The following COL11A2 variants were observed in gnomAD, a reference collection of about 807,000 sequenced individuals.
The protein encoded by COL11A2 is collagen type XI alpha 2 chain.
A neutral mutation model predicts 273.4 loss-of-function variants in COL11A2; 116 were observed. The ratio of observed to expected loss-of-function variants is 0.42; its 90% CI spans 0.36 to 0.49. The LOEUF is 0.49. Among genes scored for constraint, COL11A2 ranks in the 20% least tolerant of loss-of-function variants. The probability of loss-of-function intolerance (pLI) is 0.00; values close to 1 mark genes in which losing one functional copy is unlikely to be tolerated. For synonymous variants in COL11A2, 782 were observed against 864.2 expected (o/e 0.90, Z 1.67); for missense variants, 1,866 against 2,309.0 (o/e 0.81, Z 3.93).
In COL11A2 at chr6:33,164,753, G is replaced by T. The variant is rs1374107433; in HGVS notation, c.4863+99C>A. The T allele has an allele frequency of 9.5e-7, 1 of 1,054,132 alleles. No individual in the cohort carries two copies. The highest frequency in any genetic ancestry group is 1.4e-6 in the Non-Finnish European group (1 of 704,610). 65.3% of individuals were successfully genotyped at this position (1,054,132 alleles called of 1,614,324 possible). On this transcript the variant is annotated intron_variant, in intron 64 of 65. Transcript: ENST00000341947. This position sits in a 1 kb window ranked among gnomAD's most constrained non-coding sequence, Gnocchi z 4.7. ...AGAAGGGGTGGCAGGCTCCGGGGGGGGCAACAGCCAGGGGACTGTCACCAA... is the reference window on the plus strand; with the variant it reads ...AGAAGGGGTGGCAGGCTCCGGGGGGTGCAACAGCCAGGGGACTGTCACCAA...
In COL11A2 at chr6:33,167,821, C is replaced by A. The variant is rs146082418; in HGVS notation, c.3992G>T (p.Arg1331Leu). 6.2e-7 allele frequency: 1 copy of A among 1,612,806 alleles called. No individual in the cohort carries two copies. Among genetic ancestry groups the A allele is most frequent in the South Asian group, 1.1e-5 (1 of 91,044 alleles). ...CACCTTGGCTCCCTTCCCTCCTTGT[C>A]GCCCCTCGGAACCAGGCGAGCCAGC... The part of the protein sequence containing the change: ...GPAGSPGSEG[R>L]QGGKGAKGDP... The change falls in exon 55 of 66, where the codon CGA becomes CTA. Residue 1331 changes from arginine to leucine, a missense_variant. Arg to Leu is a moderately radical substitution (Grantham distance 102). Coordinates refer to ENST00000341947, the MANE Select transcript of COL11A2 (RefSeq NM_080680.3). This position sits in a 1 kb window ranked among gnomAD's most constrained non-coding sequence, Gnocchi z 6.1.
intron 5 of COL11A2, among the ~76,000 whole-genome samples, chr6:33,186,029 A>ACCC: frequency 6.6e-6 from 1 of 151,906 alleles, no homozygotes; most frequent in Admixed American, 6.5e-5. Context: ...TGACCCTCTG[A>ACCC]TCTTTAGACC....
rs1229474398 is a variant in COL11A2, at chr6:33,176,106, C to G, written c.2215-37G>C. On this transcript the variant is annotated intron_variant, in intron 28 of 65. Transcript: ENST00000341947. This position sits in a 1 kb window ranked among gnomAD's most constrained non-coding sequence, Gnocchi z 4.9. ...AGAGGTGAGAGGGCACCACAGATGA[C>G]AGAGGGCTGGGGTTCTAATGGGAAT... 6.2e-7 allele frequency: 1 copy of G among 1,612,718 alleles called. No individual in the cohort carries two copies. The highest frequency in any genetic ancestry group is 8.5e-7 in the Non-Finnish European group (1 of 1,179,754).
Position 33,173,036 on chromosome 6 carries a change from A to G in COL11A2, c.2790+24T>C. On this transcript the variant is annotated intron_variant, in intron 38 of 65. Coordinates refer to ENST00000341947, the MANE Select transcript of COL11A2 (RefSeq NM_080680.3). The surrounding 1 kb of genome is among the most constrained non-coding windows in gnomAD (Gnocchi z 6.3). Reference sequence around the variant, plus strand: ...AGACTAATGCTAGGGTCAGGGGTCCATTCTCTCCTAGGGACAAACCTACCT... The same window carrying G: ...AGACTAATGCTAGGGTCAGGGGTCCGTTCTCTCCTAGGGACAAACCTACCT... 6.2e-7 allele frequency: 1 copy of G among 1,611,164 alleles called. No individual in the cohort carries two copies. Among genetic ancestry groups the G allele is most frequent in the Non-Finnish European group, 8.5e-7 (1 of 1,178,762 alleles).
chr6:33,163,052 C>CATTAAAAA lies in COL11A2; in HGVS notation c.*625_*626insTTTTTAAT. ...GACAGTGGGCACATGGGCCAGGCAG[C>CATTAAAAA]CAACACCTGTGGGTTAGAGAGCCCC... is the stretch of plus-strand genomic sequence containing the variant. On this transcript the variant is annotated 3_prime_UTR_variant, in exon 66 of 66. Coordinates refer to ENST00000341947, the MANE Select transcript of COL11A2 (RefSeq NM_080680.3). This position sits in a 1 kb window ranked among gnomAD's most constrained non-coding sequence, Gnocchi z 4.1. The CATTAAAAA allele has an allele frequency of 6.3e-6, 1 of 158,602 alleles. No homozygotes were observed. The allele number at this position is 158,602 out of a possible 1,614,324, so 9.8% of individuals were successfully genotyped here.
chr6:33,165,594 G>C lies in COL11A2; in HGVS notation c.4705C>G (p.Arg1569Gly). Residue 1569 changes from arginine (R) to glycine (G), a missense_variant, in exon 63 of 66, where the codon CGC becomes GGC. Transcript: ENST00000341947. This position sits in a 1 kb window ranked among gnomAD's most constrained non-coding sequence, Gnocchi z 7.7. Reference sequence around the variant, plus strand: ...CACAGCTTCAGGTCCTGGCAGGTGCGAGCAGGGCTGTCCTGGGTCCCTGTT... The same window carrying C: ...CACAGCTTCAGGTCCTGGCAGGTGCCAGCAGGGCTGTCCTGGGTCCCTGTT... ...RPTGTQDSPA[R>G]TCQDLKLCHP... 2 of 1,613,442 alleles carry C rather than the reference G, an allele frequency of 1.2e-6. No individual in the cohort carries two copies. Among genetic ancestry groups the C allele is most frequent in the South Asian group, 1.1e-5 (1 of 91,074 alleles).
In COL11A2 at chr6:33,163,654, G is replaced by A; in HGVS notation, c.*24C>T. ...ATTCCAGGTGGGCCTGGTTCCGAATGGACAGGATCAGACAGAGACGGTCCT... is the reference window on the plus strand; with the variant it reads ...ATTCCAGGTGGGCCTGGTTCCGAATAGACAGGATCAGACAGAGACGGTCCT... On this transcript the variant is annotated 3_prime_UTR_variant, in exon 66 of 66. Transcript: ENST00000341947. The surrounding 1 kb of genome is among the most constrained non-coding windows in gnomAD (Gnocchi z 4.1). The A allele has an allele frequency of 1.9e-6, 3 of 1,613,008 alleles. No individual in the cohort carries two copies. Among genetic ancestry groups the A allele is most frequent in the Non-Finnish European group, 2.5e-6 (3 of 1,179,992 alleles).
rs1358724668 is a variant in COL11A2 at position 33,190,210 on chromosome 6, T to C, written c.83-741A>G. ...GATGAGTTGGGGAGGGGTGGAGGAATGGGGGGCAGGGGCTGAAGCTGCCAC... is the reference window on the plus strand; with the variant it reads ...GATGAGTTGGGGAGGGGTGGAGGAACGGGGGGCAGGGGCTGAAGCTGCCAC... On this transcript the variant is annotated intron_variant, in intron 1 of 65. Coordinates refer to ENST00000341947, the MANE Select transcript of COL11A2 (RefSeq NM_080680.3). The surrounding 1 kb of genome is among the most constrained non-coding windows in gnomAD (Gnocchi z 4.5). Among the ~76,000 whole-genome samples, 1 of 146,386 alleles carries C rather than the reference T, an allele frequency of 6.8e-6. No homozygotes were observed. The highest frequency in any genetic ancestry group is 2.5e-5 in the African/African-American group (1 of 39,426).
chr6:33,163,517 A>G lies in COL11A2; in HGVS notation c.*161T>C, dbSNP rs1459596012. The G allele has an allele frequency of 9.2e-7, 1 of 1,090,520 alleles. No homozygotes were observed. Among genetic ancestry groups the G allele is most frequent in the Non-Finnish European group, 1.3e-6 (1 of 741,212 alleles). The allele number at this position is 1,090,520 out of a possible 1,614,324, so 67.6% of individuals were successfully genotyped here. On this transcript the variant is annotated 3_prime_UTR_variant, in exon 66 of 66. Coordinates refer to ENST00000341947, the MANE Select transcript of COL11A2 (RefSeq NM_080680.3). The surrounding 1 kb of genome is among the most constrained non-coding windows in gnomAD (Gnocchi z 4.1). ...CCTCCCGTGGGGTGTCCAGGCAACC[A>G]CTTCACCCCTCCCCTGGCCTGCCCC...
intron 8 of COL11A2, 101 bp from the exon 9 acceptor site, chr6:33,181,271 G>A (rs577497388): frequency 1.2e-4 from 143 of 1,238,852 alleles, no homozygotes; most frequent in South Asian, 4.6e-4. Context: ...AGATCCTCTC[G>A]AGACCACTTC....
rs1770029858 is a variant in COL11A2, at chr6:33,171,341, G to A, written c.3259-17C>T. ...CACCTCACCCTGGGAGGAGAAGGCA[G>A]ACAAGATATTAGAGAAAGGTGATGG... On this transcript the variant is annotated splice_polypyrimidine_tract_variant and intron_variant, in intron 43 of 65. Transcript: ENST00000341947. 29 of 1,614,054 alleles carry A rather than the reference G, an allele frequency of 1.8e-5. No homozygotes were observed. Among genetic ancestry groups the A allele is most frequent in the Non-Finnish European group, 2.5e-5 (29 of 1,179,996 alleles).
In COL11A2 at chr6:33,167,655, C is replaced by G. The variant is rs1470470370; in HGVS notation, c.4015-122G>C. ...AGGGCCAAACTCTAGGAGCCCCTAG[C>G]GCAGGAACAAGTACAGGGAACGCCT... On this transcript the variant is annotated intron_variant, in intron 55 of 65. Coordinates refer to ENST00000341947, the MANE Select transcript of COL11A2 (RefSeq NM_080680.3). This position sits in a 1 kb window ranked among gnomAD's most constrained non-coding sequence, Gnocchi z 6.1. The G allele has an allele frequency of 1.4e-6, 2 of 1,451,228 alleles. No individual in the cohort carries two copies. Among genetic ancestry groups the G allele is most frequent in the East Asian group, 4.7e-5 (2 of 42,310 alleles). 89.9% of individuals were successfully genotyped at this position (1,451,228 alleles called of 1,614,324 possible). A position where few individuals can be genotyped will look rare whatever the true frequency, so the allele number is the denominator to read the frequency against.
intron 39 of COL11A2, 47 bp downstream of exon 39, chr6:33,172,483 C>T (rs752505440): frequency 1.9e-6 from 3 of 1,590,106 alleles, no homozygotes; most frequent in East Asian, 4.5e-5. Context: ...TTTCAGCACC[C>T]CAATCCCCAG....
Position 33,172,520 on chromosome 6 carries a change from C to G in COL11A2, c.2898+10G>C, listed in dbSNP as rs1770254969. 1 of 1,611,748 alleles carries G rather than the reference C, an allele frequency of 6.2e-7. No homozygotes were observed. Among genetic ancestry groups the G allele is most frequent in the East Asian group, 2.2e-5 (1 of 44,862 alleles). On this transcript the variant is annotated intron_variant, in intron 39 of 65. Transcript: ENST00000341947. ...TCCCCCACTTCCCCTCTGCCTGGCC[C>G]CTCACTGACCTTTGTTCCTTCTTTT...
intron 43 of COL11A2, 28 bp downstream of exon 43, chr6:33,171,439 T>C: frequency 1.9e-6 from 3 of 1,611,078 alleles, no homozygotes; most frequent in African/African-American, 1.3e-5. Context: ...GGAAAGAAGA[T>C]TGGTCGGGGT....
At position 33,189,089 on chromosome 6, in the gene COL11A2, T is replaced by C. The variant is rs745785438; in HGVS notation, c.332A>G (p.Gln111Arg). The change falls in exon 3 of 66, where the codon CAG (glutamine) becomes CGG (arginine). Residue 111 changes from glutamine (Q) to arginine (R), a missense_variant. Transcript: ENST00000341947. The surrounding 1 kb of genome is among the most constrained non-coding windows in gnomAD (Gnocchi z 5.6). ...AGGTCGGCCCAGCTCCAGGCCCAGC[T>C]GTCGGACACCCTGGGCACTGTAGAG... ...LTLYSAQGVR[Q>R]LGLELGRPVR... is the part of the protein sequence containing the mutation. 1 of 1,614,188 alleles carries C rather than the reference T, an allele frequency of 6.2e-7. No homozygotes were observed. The highest frequency in any genetic ancestry group is 1.1e-5 in the South Asian group (1 of 91,080).
chr6:33,190,870 T>C lies in COL11A2; in HGVS notation c.82+1289A>G, dbSNP rs1054056946. ...CCCAAGGGAGTACAATTCGATCATA[T>C]GGACAACCTACCCACAGGTCCGCCC... On this transcript the variant is annotated intron_variant, in intron 1 of 65. Coordinates refer to ENST00000341947, the MANE Select transcript of COL11A2 (RefSeq NM_080680.3). The surrounding 1 kb of genome is among the most constrained non-coding windows in gnomAD (Gnocchi z 4.5). 5.9e-5 allele frequency among the ~76,000 whole-genome samples: 9 copies of C among 152,090 alleles called. No homozygotes were observed. The highest frequency in any genetic ancestry group is 6.5e-5 in the Admixed American group (1 of 15,270).
At chr6:33,172,426 AAC>A (rs747897354) in intron 39 of COL11A2, 48 bp from the exon 40 acceptor site, 3 of 1,556,472 alleles carry the variant, frequency 1.9e-6, no homozygotes, top group South Asian at 2.3e-5. Context: ...TCCCAAATTA[AAC>A]AGAGAGCTCT....
rs1459654443 is a variant in COL11A2 at position 33,164,414 on chromosome 6, C to G, written c.4923G>C (p.Arg1641=). ...PVGVVQLTFL[R]LLSVSAHQDV... The stretch of plus-strand genomic sequence containing the variant: ...CCTGGTGGGCTGAGACGCTGAGCAG[C>G]CGCAGGAAGGTGAGCTGGACCACAC... Residue 1641 remains arginine, a synonymous_variant, in exon 65 of 66, where the codon CGG becomes CGC. Transcript: ENST00000341947. The surrounding 1 kb of genome is among the most constrained non-coding windows in gnomAD (Gnocchi z 4.7). The G allele has an allele frequency of 6.3e-7, 1 of 1,598,824 alleles. No homozygotes were observed. The highest frequency in any genetic ancestry group is 8.5e-7 in the Non-Finnish European group (1 of 1,173,168).
Sources: gnomAD v4.1 joint callset for allele counts (sites outside exome capture counted in the v4.1 genomes callset) on GRCh38, gnomAD v4.1.1 for gene constraint, Gnocchi (gnomAD v3.1) non-coding constraint, MANE v1.5 for transcripts, NCBI Gene and HGNC (gene_info 2026-07-23, HGNC 2026-07-21) for gene names.